The following COL14A1 variants were observed in gnomAD, a reference collection of about 807,000 sequenced individuals.
The protein encoded by COL14A1 is collagen type XIV alpha 1 chain, also known as collagen alpha-1(XIV) chain.
In COL14A1, 136 loss-of-function variants were observed where a neutral mutation model predicts 230.3. That is an observed-to-expected ratio of 0.59 (90% CI 0.51 to 0.68). COL14A1 has a LOEUF of 0.68. Ranked by LOEUF, COL14A1 falls within the 30% of genes least tolerant of loss-of-function variation. The probability of loss-of-function intolerance (pLI) is 0.00; values close to 1 mark genes in which losing one functional copy is unlikely to be tolerated. For synonymous variants in COL14A1, 792 were observed against 784.1 expected, an observed-to-expected ratio of 1.01 and a Z score of -0.17; for missense variants, 1,976 against 2,215.8, an observed-to-expected ratio of 0.89 and a Z score of 2.17.
At chr8:120,153,553 TAA>T (rs1416201045) in intron 2 of COL14A1, among the ~76,000 whole-genome samples, 2 of 152,200 alleles carry the variant, frequency 1.3e-5, no homozygotes, top group Admixed American at 6.5e-5. Flanking sequence ...TTCTGCTGTT[TAA>T]AAGTCTTTTA....
chr8:120,282,006 T>C (rs956723845), intron 31 of COL14A1, among the ~76,000 whole-genome samples: 2 of 152,166 alleles, frequency 1.3e-5, no homozygotes, highest in African/African-American at 4.8e-5. Flanking sequence ...CATGTGCACA[T>C]TGTGCAGTTT....
intron 19 of COL14A1, 93 bp downstream of exon 19, chr8:120,231,711 C>T: frequency 1.5e-6 from 2 of 1,297,450 alleles, no homozygotes; most frequent in South Asian, 1.5e-5. Flanking sequence ...CTTTACTGCT[C>T]TTTTCTCAGT....
chr8:120,210,976 A>T (rs1054104833), intron 12 of COL14A1, among the ~76,000 whole-genome samples: 8 of 152,196 alleles, frequency 5.3e-5, no homozygotes, highest in Admixed American at 4.6e-4. Flanking sequence ...AGAGAAAAAA[A>T]AAAGGAATAG....
chr8:120,188,836 A>G (rs1161745254), intron 5 of COL14A1, among the ~76,000 whole-genome samples: 2 of 152,246 alleles, frequency 1.3e-5, no homozygotes, highest in Non-Finnish European at 2.9e-5. Flanking sequence ...ATTCCTTTAT[A>G]TTATAGATTT....
chr8:120,233,017 C>T (rs1563686807), intron 19 of COL14A1, among the ~76,000 whole-genome samples: 1 of 151,998 alleles, frequency 6.6e-6, no homozygotes, highest in Non-Finnish European at 1.5e-5. Flanking sequence ...TAATGACCAA[C>T]GATGATGAGC....
At chr8:120,200,221 T>G (rs867317729) in intron 8 of COL14A1, among the ~76,000 whole-genome samples, 3 of 152,040 alleles carry the variant, frequency 2.0e-5, no homozygotes, top group African/African-American at 2.4e-5. Context: ...CAAGCAACAC[T>G]GAAACACAAA....
At chr8:120,356,727 CA>C (rs879421447) in intron 45 of COL14A1, among the ~76,000 whole-genome samples, 149 of 143,358 alleles carry the variant, frequency 1.0e-3, no homozygotes, top group Middle Eastern at 3.7e-3. Flanking sequence ...GACTCTTTCT[CA>C]AAAAAAAAAA....
intron 40 of COL14A1, 125 bp downstream of exon 40, chr8:120,316,122 A>G: frequency 1.2e-6 from 1 of 833,750 alleles, no homozygotes. Flanking sequence ...TCTCCTGTTT[A>G]TGTATTTTCC....
intron 5 of COL14A1, among the ~76,000 whole-genome samples, chr8:120,177,009 A>G (rs1173932201): frequency 6.6e-6 from 1 of 152,158 alleles, no homozygotes. Flanking sequence ...CACTCTGTAT[A>G]TGTCTGTGCC....
At chr8:120,331,616 G>A (rs1420176031) in intron 40 of COL14A1, among the ~76,000 whole-genome samples, 1 of 152,146 alleles carries the variant, frequency 6.6e-6, no homozygotes, top group Non-Finnish European at 1.5e-5. Context: ...GTAAGCCCAC[G>A]ATGACACTCA....
chr8:120,256,509 C>T (rs1490573310), intron 23 of COL14A1, among the ~76,000 whole-genome samples: 1 of 152,218 alleles, frequency 6.6e-6, no homozygotes, highest in Non-Finnish European at 1.5e-5. Context: ...TGTGGCACCA[C>T]TGCTTCCTTG....
intron 36 of COL14A1, among the ~76,000 whole-genome samples, chr8:120,301,459 G>A (rs1203259947): frequency 6.6e-6 from 1 of 151,982 alleles, no homozygotes; most frequent in Non-Finnish European, 1.5e-5. Flanking sequence ...GTGGTATTTG[G>A]TTTTCTGTTT....
At chr8:120,181,719 C>T (rs1816469980) in intron 5 of COL14A1, among the ~76,000 whole-genome samples, 1 of 152,110 alleles carries the variant, frequency 6.6e-6, no homozygotes, top group Admixed American at 6.6e-5. Flanking sequence ...GCAATTTTAG[C>T]CCCTTTCTCC....
rs1220145305 is a variant in COL14A1, at chr8:120,147,097, TATTA to T, written c.-37-704_-37-701del. Among the ~76,000 whole-genome samples, 5 of 152,082 alleles carry T rather than the reference TATTA, an allele frequency of 3.3e-5. No individual in the cohort carries two copies. In the South Asian group the frequency reaches 6.2e-4, roughly 19 times the overall value. ...AGTTTTTTAATGTTAAAATTTTTAT[TATTA>T]ATTATTATAGATACGTAATAATTAT... On this transcript the variant is annotated intron_variant, in intron 1 of 47. Coordinates refer to ENST00000297848, the MANE Select transcript of COL14A1 (RefSeq NM_021110.4).
At chr8:120,129,259 C>A (rs1814448721) in intron 1 of COL14A1, among the ~76,000 whole-genome samples, 1 of 152,134 alleles carries the variant, frequency 6.6e-6, no homozygotes, top group South Asian at 2.1e-4. Context: ...TGACCCCAGA[C>A]TTGGAAGATC....
At chr8:120,188,611 G>C (rs1374682026) in intron 5 of COL14A1, among the ~76,000 whole-genome samples, 1 of 152,130 alleles carries the variant, frequency 6.6e-6, no homozygotes, top group African/African-American at 2.4e-5. Context: ...AAGTTCAGCT[G>C]CTTAGGCATT....
intron 25 of COL14A1, chr8:120,267,120 T>C: frequency 8.9e-6 from 4 of 447,750 alleles, no homozygotes; most frequent in East Asian, 4.3e-5. Context: ...TTTTTTGAAA[T>C]ATCAGAGCAG....
chr8:120,361,466 C>T (rs1823212206), intron 45 of COL14A1, among the ~76,000 whole-genome samples: 1 of 152,154 alleles, frequency 6.6e-6, no homozygotes. Flanking sequence ...AAAATGCATA[C>T]AGTACTTATT....
chr8:120,327,023 C>G (rs1447273014), intron 40 of COL14A1, among the ~76,000 whole-genome samples: 3 of 152,076 alleles, frequency 2.0e-5, no homozygotes, highest in Admixed American at 2.0e-4. Flanking sequence ...GAGTGAGACT[C>G]TAACTCAAAA....
Sources: allele counts gnomAD v4.1 joint callset (sites outside exome capture counted in the v4.1 genomes callset), GRCh38; gene constraint gnomAD v4.1.1; transcripts MANE v1.5; gene names NCBI Gene and HGNC (gene_info 2026-07-23, HGNC 2026-07-21).